The following ODAD2 variants were observed in gnomAD, a reference collection of about 807,000 sequenced individuals.
The protein encoded by ODAD2 is outer dynein arm docking complex subunit 2, also known as outer dynein arm-docking complex subunit 2.
A neutral mutation model predicts 106.8 loss-of-function variants in ODAD2; 89 were observed. That is an observed-to-expected ratio of 0.83 (90% CI 0.70 to 0.99). The LOEUF (loss-of-function observed/expected upper bound fraction) is 0.99, where lower values mean the gene tolerates loss of function less well. Among genes scored for constraint, ODAD2 ranks in the 50% least tolerant of loss-of-function variants. ODAD2 has a pLI of 0.00. For synonymous variants in ODAD2, 404 were observed against 436.2 expected (o/e 0.93, Z 0.92); for missense variants, 1,168 against 1,238.5 (o/e 0.94, Z 0.85).
At chr10:27,930,620 C>T (rs1222848364) in intron 16 of ODAD2, among the ~76,000 whole-genome samples, 4 of 146,844 alleles carry the variant, frequency 2.7e-5, no homozygotes, top group Admixed American at 2.7e-4. Context: ...GAGCCAGACT[C>T]TGTCTCAAAA....
chr10:27,970,974 A>C (rs1224416112), intron 8 of ODAD2, 134 bp downstream of exon 8: 1 of 182,962 alleles, frequency 5.5e-6, no homozygotes, highest in African/African-American at 4.9e-5. Context: ...TCCATCTTAA[A>C]TAAATAAATA....
chr10:27,845,893 C>T (rs1415048178), intron 19 of ODAD2, among the ~76,000 whole-genome samples: 1 of 152,158 alleles, frequency 6.6e-6, no homozygotes, highest in Non-Finnish European at 1.5e-5. Flanking sequence ...TATATATGCA[C>T]CCAATACAGG....
intron 17 of ODAD2, among the ~76,000 whole-genome samples, chr10:27,884,791 G>A (rs1236859090): frequency 6.6e-6 from 1 of 152,040 alleles, no homozygotes. Flanking sequence ...GAAAATTAAG[G>A]CATTTAAGAA....
chr10:27,881,620 G>C lies in ODAD2; in HGVS notation c.2611-18998C>G, dbSNP rs143981066. On this transcript the variant is annotated intron_variant, in intron 17 of 19. Transcript: ENST00000305242. ...CCATTGCACTCCAACCTGGGCAACA[G>C]AGCAAAATCCCGTCTCAAAAAAACA... Among the ~76,000 whole-genome samples, 187 of 151,940 alleles carry C rather than the reference G, an allele frequency of 1.2e-3. 2 individuals carry two copies. Among genetic ancestry groups the C allele is most frequent in the African/African-American group, 4.1e-3 (171 of 41,450 alleles).
intron 16 of ODAD2, among the ~76,000 whole-genome samples, chr10:27,931,519 G>A (rs978226712): frequency 3.3e-5 from 5 of 151,446 alleles, no homozygotes; most frequent in African/African-American, 1.2e-4. Context: ...CTTCAGGCTT[G>A]TTGTTTATCA....
intron 2 of ODAD2, among the ~76,000 whole-genome samples, chr10:27,993,974 A>G (rs7921344): frequency 0.045 from 6,392 of 140,514 alleles, 336 homozygotes; most frequent in African/African-American, 0.11. Flanking sequence ...ATATATATAT[A>G]TGTGTGTGTG....
intron 16 of ODAD2, among the ~76,000 whole-genome samples, chr10:27,926,154 A>C (rs766066471): frequency 2.2e-4 from 34 of 152,188 alleles, no homozygotes; most frequent in Non-Finnish European, 4.3e-4. Context: ...CAGTTGTAGC[A>C]CAAATGCAGC....
At position 27,854,053 on chromosome 10, in the gene ODAD2, CTAAT is replaced by C. The variant is rs1228366387; in HGVS notation, c.3021+6568_3021+6571del. Among the ~76,000 whole-genome samples, 3 of 152,008 alleles carry C rather than the reference CTAAT, an allele frequency of 2.0e-5. 1 individual carries two copies. Among genetic ancestry groups the C allele is most frequent in the Admixed American group, 2.0e-4 (3 of 15,258 alleles). The stretch of plus-strand genomic sequence containing the variant: ...CAAAACCCAATGATAAGAAAACAAC[CTAAT>C]TAAAAAGTGGTCAAAAATGTGAACA... On this transcript the variant is annotated intron_variant, in intron 19 of 19. Transcript: ENST00000305242.
chr10:27,833,833 T>C lies in ODAD2; in HGVS notation c.3022-21208A>G, dbSNP rs1003826789. Among the ~76,000 whole-genome samples, 3 of 152,184 alleles carry C rather than the reference T, an allele frequency of 2.0e-5. No homozygotes were observed. In the East Asian group the frequency reaches 5.8e-4, roughly 29 times the overall value. ...AAGAGACGTGCAAGTCCTGGGCGACTACAGACAGCAAGGTAAAGGTACACC... is the reference window on the plus strand; with the variant it reads ...AAGAGACGTGCAAGTCCTGGGCGACCACAGACAGCAAGGTAAAGGTACACC... On this transcript the variant is annotated intron_variant, in intron 19 of 19. Transcript: ENST00000305242.
chr10:27,893,226 GT>G (rs929334592), intron 17 of ODAD2, among the ~76,000 whole-genome samples: 1 of 152,000 alleles, frequency 6.6e-6, no homozygotes, highest in Admixed American at 6.6e-5. Flanking sequence ...AAGAAAAGAT[GT>G]TCTACATTCA....
At chr10:27,971,401 A>C in intron 7 of ODAD2, 88 bp from the exon 8 acceptor site, 1 of 1,178,964 alleles carries the variant, frequency 8.5e-7, no homozygotes, top group Non-Finnish European at 1.2e-6. Flanking sequence ...AATTCAGGAA[A>C]GGAAGTCTCG....
At chr10:27,934,906 C>T in intron 16 of ODAD2, 104 bp downstream of exon 16, 8 of 1,373,556 alleles carry the variant, frequency 5.8e-6, no homozygotes, top group Admixed American at 2.0e-5. Context: ...TGTATTTTTT[C>T]ATCATTCGTG....
intron 18 of ODAD2, 42 bp downstream of exon 18, chr10:27,862,392 T>G: frequency 6.6e-7 from 1 of 1,506,340 alleles, no homozygotes; most frequent in Non-Finnish European, 9.0e-7. Flanking sequence ...CCATGATATC[T>G]CAGGACAATA....
chr10:27,839,214 T>A (rs1440247004), intron 19 of ODAD2, among the ~76,000 whole-genome samples: 1 of 152,202 alleles, frequency 6.6e-6, no homozygotes, highest in African/African-American at 2.4e-5. Context: ...CCTGAATTTT[T>A]TTCTGAGCTG....
intron 19 of ODAD2, among the ~76,000 whole-genome samples, chr10:27,831,909 TG>T: frequency 1.3e-5 from 2 of 152,200 alleles, no homozygotes; most frequent in Non-Finnish European, 2.9e-5. Flanking sequence ...ATGCAGTCTG[TG>T]AGGGCACCAG....
At chr10:27,970,473 T>C (rs1228668235) in intron 8 of ODAD2, among the ~76,000 whole-genome samples, 2 of 152,126 alleles carry the variant, frequency 1.3e-5, no homozygotes, top group Non-Finnish European at 2.9e-5. Context: ...TCCAAGTGTT[T>C]TATCATCTTT....
intron 9 of ODAD2, among the ~76,000 whole-genome samples, chr10:27,964,258 T>C (rs542850615): frequency 6.6e-6 from 1 of 152,112 alleles, no homozygotes; most frequent in Non-Finnish European, 1.5e-5. Flanking sequence ...AACTCCATGG[T>C]TAGTGAAGTG....
At chr10:27,997,379 A>T (rs1180711695) in intron 1 of ODAD2, 1 of 151,812 alleles carries the variant, frequency 6.6e-6, no homozygotes, top group Non-Finnish European at 1.5e-5. Flanking sequence ...TCTGTCTTTA[A>T]TCTTAAGTAT....
At chr10:27,946,363 C>T (rs2132653854) in intron 10 of ODAD2, among the ~76,000 whole-genome samples, 1 of 151,486 alleles carries the variant, frequency 6.6e-6, no homozygotes, top group Non-Finnish European at 1.5e-5. Context: ...CTTGTGAATT[C>T]AACACAATAG....
Sources: gnomAD v4.1 joint callset for allele counts (sites outside exome capture counted in the v4.1 genomes callset) on GRCh38, gnomAD v4.1.1 for gene constraint, MANE v1.5 for transcripts, NCBI Gene and HGNC (gene_info 2026-07-23, HGNC 2026-07-21) for gene names.